Variants in WDPCP observed in about 807,000 individuals in gnomAD.
The protein encoded by WDPCP is WD repeat containing planar cell polarity effector.
In WDPCP, 71 loss-of-function variants were observed where a neutral mutation model predicts 93.1. That is an observed-to-expected ratio of 0.76 (90% CI 0.63 to 0.93). The LOEUF (loss-of-function observed/expected upper bound fraction) is 0.93, where lower values mean the gene tolerates loss of function less well. Among genes scored for constraint, WDPCP ranks in the 40% least tolerant of loss-of-function variants. The pLI is 0.00. For missense variants in WDPCP, 844 were observed against 887.4 expected, an observed-to-expected ratio of 0.95 and a Z score of 0.62; for synonymous variants, 315 against 315.0, an observed-to-expected ratio of 1.00 and a Z score of 0.00.
chr2:63,126,894 G>A (rs181249059), intron 17 of WDPCP, among the ~76,000 whole-genome samples: 1 of 151,890 alleles, frequency 6.6e-6, no homozygotes, highest in Non-Finnish European at 1.5e-5. Context: ...TGTTGCCTAA[G>A]CTAGTCTCAA....
intron 13 of WDPCP, among the ~76,000 whole-genome samples, chr2:63,294,449 G>A (rs1417396209): frequency 7.1e-6 from 1 of 140,630 alleles, no homozygotes; most frequent in African/African-American, 2.6e-5. Context: ...GGTGGAGGTT[G>A]CAGGGAGCTG....
chr2:63,575,398 A>T (rs1284268825), intron 1 of WDPCP, among the ~76,000 whole-genome samples: 5 of 89,274 alleles, frequency 5.6e-5, no homozygotes, highest in South Asian at 3.8e-4. Context: ...CGGTATATAC[A>T]GTATATATAC....
intron 6 of WDPCP, among the ~76,000 whole-genome samples, chr2:63,444,232 CA>C (rs956942665): frequency 2.0e-5 from 3 of 152,196 alleles, no homozygotes; most frequent in Middle Eastern, 3.4e-3. Context: ...GTATGTCCAT[CA>C]TTTCATATTT....
intron 14 of WDPCP, among the ~76,000 whole-genome samples, chr2:63,230,163 C>A (rs1678721086): frequency 6.7e-6 from 1 of 148,698 alleles, no homozygotes; most frequent in African/African-American, 2.5e-5. Flanking sequence ...TCAATTCCCA[C>A]TTATGAGTGA....
At chr2:63,322,390 C>T (rs184357280) in intron 12 of WDPCP, among the ~76,000 whole-genome samples, 6 of 152,252 alleles carry the variant, frequency 3.9e-5, no homozygotes, top group East Asian at 1.9e-4. Flanking sequence ...TTTGTTCTTT[C>T]GCTCTTCACA....
intron 10 of WDPCP, among the ~76,000 whole-genome samples, chr2:63,388,937 A>C (rs1019022757): frequency 7.9e-5 from 12 of 152,238 alleles, no homozygotes; most frequent in Admixed American, 6.5e-4. Flanking sequence ...TGTACCTAAA[A>C]GTGATGGGGA....
intron 12 of WDPCP, among the ~76,000 whole-genome samples, chr2:63,340,790 C>T (rs920144592): frequency 2.6e-5 from 4 of 151,966 alleles, no homozygotes; most frequent in African/African-American, 9.7e-5. Flanking sequence ...GAAATCTCAC[C>T]GTTGTATATT....
chr2:63,121,860 AAAAC>A lies in WDPCP; in HGVS notation c.*142_*145del, dbSNP rs886056221. ...TTTGAAATAATAAAACTTTATTTTGAAAACAAACACTCAACTCAAAACTCTTAAC... is the reference window on the plus strand; with the variant it reads ...TTTGAAATAATAAAACTTTATTTTGAAAACACTCAACTCAAAACTCTTAAC... On this transcript the variant is annotated 3_prime_UTR_variant, in exon 18 of 18. Coordinates refer to ENST00000272321, the MANE Select transcript of WDPCP (RefSeq NM_015910.7). 56 of 1,430,882 alleles carry A rather than the reference AAAAC, an allele frequency of 3.9e-5. No individual in the cohort carries two copies. The Admixed American group carries it at 4.0e-4, about 10-fold the overall frequency. The allele number at this position is 1,430,882 out of a possible 1,614,324, so 88.6% of individuals were successfully genotyped here.
At chr2:63,380,442 T>C (rs887276137) in intron 11 of WDPCP, among the ~76,000 whole-genome samples, 4 of 152,100 alleles carry the variant, frequency 2.6e-5, no homozygotes, top group African/African-American at 4.8e-5. Flanking sequence ...ATTGTAAAAA[T>C]ACTGGAATTT....
chr2:63,609,437 G>A (rs1207244696), intron 3 of WDPCP, among the ~76,000 whole-genome samples: 1 of 152,088 alleles, frequency 6.6e-6, no homozygotes, highest in Non-Finnish European at 1.5e-5. Context: ...GATGGCAGAA[G>A]AGAAAGAAAA....
At chr2:63,539,375 C>T (rs938101418) in intron 1 of WDPCP, among the ~76,000 whole-genome samples, 8 of 152,062 alleles carry the variant, frequency 5.3e-5, no homozygotes, top group Admixed American at 1.3e-4. Flanking sequence ...TTAAACTAAA[C>T]TGACTTCACT....
At chr2:63,398,146 C>A (rs34692432) in intron 10 of WDPCP, among the ~76,000 whole-genome samples, 3,764 of 151,882 alleles carry the variant, frequency 0.025, 76 homozygotes, top group Non-Finnish European at 0.037. Flanking sequence ...TGAGTGGGGG[C>A]GTCGTAAGAA....
chr2:63,803,276 T>A (rs770140175), intron 2 of WDPCP, among the ~76,000 whole-genome samples: 8 of 152,268 alleles, frequency 5.3e-5, no homozygotes, highest in Admixed American at 6.5e-5. Context: ...ATTTTAAACA[T>A]ACAAGGAAAA....
intron 1 of WDPCP, among the ~76,000 whole-genome samples, chr2:63,560,882 A>G (rs1706558890): frequency 6.6e-6 from 1 of 152,176 alleles, no homozygotes; most frequent in Non-Finnish European, 1.5e-5. Context: ...ACCTAATGTA[A>G]ATGACCAGTT....
intron 2 of WDPCP, among the ~76,000 whole-genome samples, chr2:63,702,254 G>A (rs1238303275): frequency 3.9e-5 from 6 of 152,132 alleles, no homozygotes; most frequent in African/African-American, 1.4e-4. Flanking sequence ...TTGAACTCCT[G>A]ACCTCAGGTG....
At chr2:63,247,773 G>A (rs1423482599) in intron 14 of WDPCP, among the ~76,000 whole-genome samples, 1 of 151,640 alleles carries the variant, frequency 6.6e-6, no homozygotes, top group Non-Finnish European at 1.5e-5. Context: ...ATTACTGAGA[G>A]AAGGACTTAT....
At chr2:63,586,770 T>C (rs1708871192) in intron 1 of WDPCP, among the ~76,000 whole-genome samples, 1 of 152,198 alleles carries the variant, frequency 6.6e-6, no homozygotes, top group African/African-American at 2.4e-5. Flanking sequence ...GTTTGTGGCC[T>C]TCTTGGAGTA....
At chr2:63,489,234 C>T (rs1700736123) in intron 2 of WDPCP, among the ~76,000 whole-genome samples, 1 of 151,942 alleles carries the variant, frequency 6.6e-6, no homozygotes, top group African/African-American at 2.4e-5. Flanking sequence ...AGGGGAGCTC[C>T]AGGTTTCCCA....
chr2:63,144,127 C>G (rs528692173), intron 17 of WDPCP, among the ~76,000 whole-genome samples: 3 of 152,198 alleles, frequency 2.0e-5, no homozygotes, highest in African/African-American at 7.2e-5. Context: ...TCATGACTTT[C>G]TTCATATTTT....
Sources: allele counts gnomAD v4.1 joint callset (sites outside exome capture counted in the v4.1 genomes callset), GRCh38; gene constraint gnomAD v4.1.1; transcripts MANE v1.5; gene names NCBI Gene and HGNC (gene_info 2026-07-23, HGNC 2026-07-21).